Variants in UBR2 observed in about 807,000 individuals in gnomAD.
UBR2 encodes the protein ubiquitin protein ligase E3 component n-recognin 2, also known as E3 ubiquitin-protein ligase UBR2.
In UBR2, 92 loss-of-function variants were observed where a neutral mutation model predicts 247.9. The observed-to-expected ratio is 0.37, with a 90% CI of 0.31 to 0.44. UBR2 has a LOEUF of 0.44. Ranked by LOEUF, UBR2 falls within the 20% of genes least tolerant of loss-of-function variation. The probability of loss-of-function intolerance (pLI) is 1.00; values close to 1 mark genes in which losing one functional copy is unlikely to be tolerated. For synonymous variants in UBR2, 672 were observed against 693.5 expected, an observed-to-expected ratio of 0.97 and a Z score of 0.49; for missense variants, 1,613 against 2,112.6, an observed-to-expected ratio of 0.76 and a Z score of 4.64.
At chr6:42,632,516 T>C in intron 11 of UBR2, 36 bp from the exon 12 acceptor site, 2 of 1,533,598 alleles carry the variant, frequency 1.3e-6, no homozygotes, top group Non-Finnish European at 1.7e-6. Flanking sequence ...TACATAGTTT[T>C]TGATTACCAT....
intron 7 of UBR2, among the ~76,000 whole-genome samples, chr6:42,608,392 G>C (rs1426958046): frequency 6.6e-6 from 1 of 152,154 alleles, no homozygotes; most frequent in African/African-American, 2.4e-5. Context: ...TTGGAAAGCA[G>C]AGGCAAGAGG....
intron 2 of UBR2, among the ~76,000 whole-genome samples, chr6:42,580,367 T>C (rs1791801371): frequency 6.6e-6 from 1 of 152,194 alleles, no homozygotes; most frequent in South Asian, 2.1e-4. Flanking sequence ...GGCATGTAGC[T>C]AGCTGCCTTT....
chr6:42,614,790 T>C (rs2151938611), intron 8 of UBR2, among the ~76,000 whole-genome samples: 1 of 147,870 alleles, frequency 6.8e-6, no homozygotes, highest in African/African-American at 2.4e-5. Context: ...TTTTGGATGT[T>C]TTTCTCTTTA....
chr6:42,654,669 C>T (rs1387117245), intron 25 of UBR2, among the ~76,000 whole-genome samples: 1 of 152,164 alleles, frequency 6.6e-6, no homozygotes, highest in Non-Finnish European at 1.5e-5. Flanking sequence ...TTGCAGTGAG[C>T]CAATATTGTG....
At chr6:42,640,518 A>G (rs1425975269) in intron 16 of UBR2, among the ~76,000 whole-genome samples, 1 of 151,852 alleles carries the variant, frequency 6.6e-6, no homozygotes, top group East Asian at 1.9e-4. Context: ...AAATCTGGCA[A>G]GTCTGAAATA....
intron 44 of UBR2, among the ~76,000 whole-genome samples, chr6:42,687,162 G>A (rs184607034): frequency 9.8e-5 from 15 of 152,306 alleles, no homozygotes; most frequent in African/African-American, 3.1e-4. Context: ...GTAGCGAGCC[G>A]AGATCGCGCC....
intron 22 of UBR2, 40 bp downstream of exon 22, chr6:42,648,210 T>A (rs764457089): frequency 1.3e-6 from 2 of 1,537,264 alleles, no homozygotes; most frequent in South Asian, 2.2e-5. Context: ...TTTTTTACTT[T>A]TCCAGTACAT....
intron 7 of UBR2, among the ~76,000 whole-genome samples, chr6:42,607,734 T>TA (rs1554248016): frequency 6.7e-6 from 1 of 148,186 alleles, no homozygotes; most frequent in South Asian, 2.1e-4. Context: ...TTTTTTTTTT[T>TA]AGTAGAGAAG....
intron 46 of UBR2, among the ~76,000 whole-genome samples, chr6:42,690,599 CTTTTCTT>C (rs1382009919): frequency 6.6e-6 from 1 of 152,160 alleles, no homozygotes; most frequent in East Asian, 1.9e-4. Context: ...CTTTTCTTTT[CTTTTCTT>C]TTTTCTTTGC....
intron 4 of UBR2, 145 bp downstream of exon 4, chr6:42,594,449 G>T: frequency 1.6e-6 from 1 of 626,944 alleles, no homozygotes. Context: ...TTTGCATTTT[G>T]TGGATGCTGT....
chr6:42,681,806 A>G (rs2151992589), intron 42 of UBR2, among the ~76,000 whole-genome samples: 1 of 152,366 alleles, frequency 6.6e-6, no homozygotes, highest in South Asian at 2.1e-4. Flanking sequence ...ACCCACATTT[A>G]TAGCAGCATT....
At chr6:42,635,319 T>C in intron 13 of UBR2, 99 bp from the exon 14 acceptor site, 1 of 1,230,446 alleles carries the variant, frequency 8.1e-7, no homozygotes, top group Non-Finnish European at 1.1e-6. Flanking sequence ...TCTATGTTTT[T>C]ATAATCAATA....
intron 44 of UBR2, 120 bp from the exon 45 acceptor site, chr6:42,688,096 G>A (rs941907964): frequency 9.0e-7 from 1 of 1,113,364 alleles, no homozygotes; most frequent in Admixed American, 1.9e-5. Context: ...TAGACTGTAG[G>A]ATATACACTT....
intron 18 of UBR2, among the ~76,000 whole-genome samples, chr6:42,643,560 G>C (rs1040045833): frequency 2.4e-4 from 37 of 152,046 alleles, no homozygotes; most frequent in African/African-American, 8.0e-4. Flanking sequence ...CACTCCACTG[G>C]ACTCCAACCT....
intron 18 of UBR2, among the ~76,000 whole-genome samples, chr6:42,642,996 G>A (rs534882445): frequency 1.8e-4 from 27 of 151,874 alleles, no homozygotes; most frequent in Middle Eastern, 3.4e-3. Flanking sequence ...TTCCATTTAC[G>A]TAGCTAACTT....
chr6:42,590,174 T>C (rs1792565300), intron 2 of UBR2, among the ~76,000 whole-genome samples: 1 of 152,198 alleles, frequency 6.6e-6, no homozygotes, highest in Non-Finnish European at 1.5e-5. Context: ...AGATAGATAC[T>C]GCATACACAA....
At chr6:42,669,292 A>G (rs78303560) in intron 34 of UBR2, among the ~76,000 whole-genome samples, 2,152 of 152,214 alleles carry the variant, frequency 0.014, 52 homozygotes, top group African/African-American at 0.05. Flanking sequence ...GAAATTTTCT[A>G]TGATATTTCT....
At chr6:42,646,807 T>TTATATATA (rs369889480) in intron 21 of UBR2, among the ~76,000 whole-genome samples, 99 of 148,528 alleles carry the variant, frequency 6.7e-4, no homozygotes, top group African/African-American at 2.3e-3. Context: ...ATATATATGT[T>TTATATATA]TATATATATA....
chr6:42,674,590 A>C (rs559306725), intron 38 of UBR2, among the ~76,000 whole-genome samples: 2 of 152,132 alleles, frequency 1.3e-5, no homozygotes, highest in East Asian at 3.9e-4. Context: ...GTGAAACCCT[A>C]TCTCTACTAA....
Sources: allele counts gnomAD v4.1 joint callset (sites outside exome capture counted in the v4.1 genomes callset), GRCh38; gene constraint gnomAD v4.1.1; transcripts MANE v1.5; gene names NCBI Gene and HGNC (gene_info 2026-07-23, HGNC 2026-07-21).